The following ZNF362 variants were observed in gnomAD, a reference collection of about 807,000 sequenced individuals.
ZNF362 encodes zinc finger protein 362.
In ZNF362, 11 loss-of-function variants were observed where a neutral mutation model predicts 42.9. The observed-to-expected ratio is 0.26, with a 90% CI of 0.16 to 0.42. ZNF362 has a LOEUF of 0.42. Among genes scored for constraint, ZNF362 ranks in the 20% least tolerant of loss-of-function variants. The probability of loss-of-function intolerance (pLI) is 1.00; values close to 1 mark genes in which losing one functional copy is unlikely to be tolerated. For synonymous variants in ZNF362, 255 were observed against 257.3 expected (o/e 0.99, Z 0.09); for missense variants, 362 against 576.2 (o/e 0.63, Z 3.81).
chr1:33,156,272 C>G, the ZNF362 span, among the ~76,000 whole-genome samples: 1 of 152,228 alleles, frequency 6.6e-6, no homozygotes, highest in African/African-American at 2.4e-5. Flanking sequence ...CTCTCTCCTT[C>G]GCTTGAAAAC....
the ZNF362 span, among the ~76,000 whole-genome samples, chr1:33,152,775 C>T: frequency 6.6e-6 from 1 of 152,032 alleles, no homozygotes; most frequent in African/African-American, 2.4e-5. Context: ...GAGGGGAGTG[C>T]ATTGCTCTGG....
the ZNF362 span, among the ~76,000 whole-genome samples, chr1:33,148,167 T>A: frequency 8.5e-5 from 13 of 152,158 alleles, no homozygotes; most frequent in African/African-American, 3.1e-4. Context: ...GATCCAGGGA[T>A]GCTAAAGACC....
upstream of ZNF362, among the ~76,000 whole-genome samples, chr1:33,255,773 TA>T (rs930804423): frequency 4.9e-4 from 73 of 149,382 alleles, no homozygotes; most frequent in Admixed American, 1.7e-3. Flanking sequence ...GTCCTCGTCT[TA>T]AAAAAAAAAT....
the ZNF362 span, among the ~76,000 whole-genome samples, chr1:33,172,671 C>CT: frequency 1.3e-5 from 2 of 152,128 alleles, no homozygotes; most frequent in African/African-American, 4.8e-5. Context: ...CTCTGGGGCT[C>CT]TTTATTGGTA....
chr1:33,218,496 G>A, the ZNF362 span, among the ~76,000 whole-genome samples: 1 of 152,130 alleles, frequency 6.6e-6, no homozygotes, highest in Non-Finnish European at 1.5e-5. Context: ...CAATCTCACT[G>A]CTACTGACAA....
the ZNF362 span, among the ~76,000 whole-genome samples, chr1:33,199,437 A>G: frequency 2.6e-5 from 4 of 152,216 alleles, no homozygotes; most frequent in Admixed American, 2.6e-4. Context: ...ATATATTTCA[A>G]AAATGAAGGG....
At chr1:33,189,247 A>T in the ZNF362 span, among the ~76,000 whole-genome samples, 7 of 152,260 alleles carry the variant, frequency 4.6e-5, no homozygotes, top group Non-Finnish European at 8.8e-5. Context: ...TCACCTGGTC[A>T]TCAGGAATCT....
the ZNF362 span, chr1:33,146,134 A>G: frequency 3.8e-6 from 1 of 263,284 alleles, no homozygotes; most frequent in South Asian, 3.5e-5. Context: ...GTTCCTGGAA[A>G]TTCAGCAGAG....
intron 1 of ZNF362, among the ~76,000 whole-genome samples, chr1:33,263,944 A>G (rs1645846747): frequency 6.6e-6 from 1 of 151,508 alleles, no homozygotes; most frequent in African/African-American, 2.4e-5. Context: ...TGTCCACCCC[A>G]CACCCTCCCC....
chr1:33,216,420 T>G, the ZNF362 span, among the ~76,000 whole-genome samples: 13 of 147,274 alleles, frequency 8.8e-5, no homozygotes, highest in Admixed American at 8.9e-4. Context: ...ACCAACATGG[T>G]GAAACCCCAT....
At chr1:33,183,376 C>T in the ZNF362 span, among the ~76,000 whole-genome samples, 117 of 152,342 alleles carry the variant, frequency 7.7e-4, no homozygotes, top group Admixed American at 1.3e-3. Flanking sequence ...CCTCATCTGG[C>T]CCAGAATCTC....
upstream of ZNF362, among the ~76,000 whole-genome samples, chr1:33,255,111 C>A (rs1176577846): frequency 6.6e-6 from 1 of 152,234 alleles, no homozygotes; most frequent in East Asian, 1.9e-4. Flanking sequence ...CTGTGCCAGG[C>A]ACTGTGCTTG....
At chr1:33,295,561 G>T (rs1405396952) in intron 8 of ZNF362, among the ~76,000 whole-genome samples, 1 of 152,176 alleles carries the variant, frequency 6.6e-6, no homozygotes, top group Admixed American at 6.5e-5. Flanking sequence ...CGAGGCCCTG[G>T]AGTACTCACA....
chr1:33,193,302 T>C, the ZNF362 span, among the ~76,000 whole-genome samples: 162 of 152,328 alleles, frequency 1.1e-3, 1 homozygote, highest in East Asian at 0.02. Context: ...GTGGCAGTGA[T>C]GTTTGGGGGA....
chr1:33,205,357 C>T, the ZNF362 span, among the ~76,000 whole-genome samples: 9 of 151,870 alleles, frequency 5.9e-5, no homozygotes, highest in Non-Finnish European at 1.2e-4. Context: ...TGGTGGTGCA[C>T]GCCTGTGGTC....
the ZNF362 span, among the ~76,000 whole-genome samples, chr1:33,217,577 G>T: frequency 6.6e-6 from 1 of 152,196 alleles, no homozygotes; most frequent in Non-Finnish European, 1.5e-5. Context: ...ACCTGGGGAA[G>T]CAAGATCTTC....
chr1:33,276,359 G>C lies in ZNF362; in HGVS notation c.114G>C (p.Leu38=). 2.6e-6 allele frequency: 4 copies of C among 1,559,052 alleles called. No individual in the cohort carries two copies. The highest frequency in any genetic ancestry group is 2.6e-6 in the Non-Finnish European group (3 of 1,151,104). ...PPTMPSQLDN[L]VLINKIKEQL... ...TCTTCTTCCCGCAGCTGGACAACCTGGTTCTGATTAACAAGATCAAGGAGC... is the reference window on the plus strand; with the variant it reads ...TCTTCTTCCCGCAGCTGGACAACCTCGTTCTGATTAACAAGATCAAGGAGC... The change falls in exon 4 of 9, where the codon CTG becomes CTC. Residue 38 remains leucine (L), a synonymous_variant. Coordinates refer to ENST00000539719, the MANE Select transcript of ZNF362 (RefSeq NM_152493.3).
At position 33,280,236 on chromosome 1, in the gene ZNF362, C is replaced by T; in HGVS notation, c.462C>T (p.Ser154=). 6.2e-7 allele frequency: 1 copy of T among 1,614,060 alleles called. No individual in the cohort carries two copies. The highest frequency in any genetic ancestry group is 1.1e-5 in the South Asian group (1 of 91,076). ...CCACACCCACCACCACCAGCCAGAG[C>T]CGCCTCATCGCCTCGTCCCCCACCC... ...TPSTPTTTSQ[S]RLIASSPTLI... The change falls in exon 5 of 9, where the codon AGC becomes AGT. Residue 154 remains serine, a synonymous_variant. Coordinates refer to ENST00000539719, the MANE Select transcript of ZNF362 (RefSeq NM_152493.3). This position sits in a 1 kb window ranked among gnomAD's most constrained non-coding sequence, Gnocchi z 5.6.
intron 2 of ZNF362, among the ~76,000 whole-genome samples, chr1:33,272,163 G>T (rs1645909067): frequency 6.6e-6 from 1 of 152,220 alleles, no homozygotes; most frequent in African/African-American, 2.4e-5. Flanking sequence ...TCTCCAAGGG[G>T]CCAGGTGGCA....
Sources: allele counts gnomAD v4.1 joint callset (sites outside exome capture counted in the v4.1 genomes callset), GRCh38; gene constraint gnomAD v4.1.1; non-coding constraint Gnocchi (gnomAD v3.1); transcripts MANE v1.5; gene names NCBI Gene and HGNC (gene_info 2026-07-23, HGNC 2026-07-21).